The following HAO1 variants were observed in gnomAD, a reference collection of about 807,000 sequenced individuals.
HAO1 encodes hydroxyacid oxidase 1.
HAO1 carries 34 observed loss-of-function variants against 39.7 expected under a neutral mutation model. That is an observed-to-expected ratio of 0.86 (90% CI 0.65 to 1.14). HAO1 has a LOEUF of 1.14. Ranked by LOEUF, HAO1 falls within the 50% of genes most tolerant of loss-of-function variation. The pLI, the probability that HAO1 is intolerant of heterozygous loss-of-function variation, is 0.00. For missense variants in HAO1, 479 were observed against 464.5 expected, an observed-to-expected ratio of 1.03 and a Z score of -0.29; for synonymous variants, 172 against 173.2, an observed-to-expected ratio of 0.99 and a Z score of 0.05.
chr20:7,902,794 A>T (rs902447389), intron 4 of HAO1, among the ~76,000 whole-genome samples: 4 of 152,176 alleles, frequency 2.6e-5, no homozygotes, highest in Admixed American at 1.3e-4. Context: ...TCTGACAAAG[A>T]CCAAATTCTG....
chr20:7,891,925 G>A (rs1310512494), intron 5 of HAO1, among the ~76,000 whole-genome samples: 1 of 152,104 alleles, frequency 6.6e-6, no homozygotes, highest in Non-Finnish European at 1.5e-5. Context: ...GCTTTGTGCT[G>A]TGACCAACCT....
Position 7,940,327 on chromosome 20 carries a change from AT to A in HAO1, c.95del (p.Asn32MetfsTer36). The A allele has an allele frequency of 6.2e-7, 1 of 1,609,058 alleles. No homozygotes were observed. The highest frequency in any genetic ancestry group is 2.2e-5 in the East Asian group (1 of 44,798). The part of the protein sequence containing the change: ...SIYDYYRSGA[N>X]DEETLADNIA... ...TATTATCAGCCAAAGTTTCTTCATCATTTGCCCCAGACCTGTAATAGTCATA... is the reference window on the plus strand; with the variant it reads ...TATTATCAGCCAAAGTTTCTTCATCATTGCCCCAGACCTGTAATAGTCATA... On this transcript the variant is annotated frameshift_variant, in exon 1 of 8. Transcript: ENST00000378789. LOFTEE classifies it high-confidence loss of function.
chr20:7,931,177 G>A (rs1391645522), intron 2 of HAO1, among the ~76,000 whole-genome samples: 1 of 152,136 alleles, frequency 6.6e-6, no homozygotes, highest in African/African-American at 2.4e-5. Flanking sequence ...AGGGCAACAT[G>A]TGTACACTTC....
At chr20:7,887,787 A>C (rs2050157229) in intron 5 of HAO1, among the ~76,000 whole-genome samples, 1 of 152,154 alleles carries the variant, frequency 6.6e-6, no homozygotes, top group African/African-American at 2.4e-5. Flanking sequence ...AAACTAATAA[A>C]GGTACTTAAA....
chr20:7,917,000 T>A (rs756182311), intron 2 of HAO1, among the ~76,000 whole-genome samples: 35 of 152,178 alleles, frequency 2.3e-4, no homozygotes, highest in Non-Finnish European at 3.8e-4. Flanking sequence ...CCAAGGGACA[T>A]TGATTGCTTG....
intron 3 of HAO1, among the ~76,000 whole-genome samples, chr20:7,909,120 T>A (rs917084908): frequency 4.6e-5 from 7 of 151,718 alleles, no homozygotes; most frequent in African/African-American, 1.7e-4. Context: ...GAAACGTGGA[T>A]AAAATTATAT....
intron 1 of HAO1, 140 bp downstream of exon 1, chr20:7,940,146 G>T: frequency 1.7e-6 from 1 of 575,788 alleles, no homozygotes. Context: ...ATTTCTTACA[G>T]CCCCAAGAAC....
chr20:7,915,744 G>T (rs2050304002), intron 2 of HAO1, among the ~76,000 whole-genome samples: 1 of 152,022 alleles, frequency 6.6e-6, no homozygotes, highest in South Asian at 2.1e-4. Flanking sequence ...ATAGAAAAAT[G>T]TTTATGATAT....
At chr20:7,889,632 C>G (rs1018790967) in intron 5 of HAO1, among the ~76,000 whole-genome samples, 10 of 152,230 alleles carry the variant, frequency 6.6e-5, no homozygotes, top group Middle Eastern at 3.4e-3. Flanking sequence ...AATTATTGTT[C>G]TAGGACTCCT....
Position 7,895,348 on chromosome 20 carries a change from T to A in HAO1, c.722-124A>T, listed in dbSNP as rs549935422. Reference sequence around the variant, plus strand: ...ATCTGCATACCTGGGTCAATAATCTTAGCATAAAAGTATACCCTAGGGTTA... The same window carrying A: ...ATCTGCATACCTGGGTCAATAATCTAAGCATAAAAGTATACCCTAGGGTTA... On this transcript the variant is annotated intron_variant, in intron 4 of 7. Transcript: ENST00000378789. 9 of 658,398 alleles carry A rather than the reference T, an allele frequency of 1.4e-5. No homozygotes were observed. In the Admixed American group the frequency reaches 2.2e-4, roughly 16 times the overall value. The allele number at this position is 658,398 out of a possible 1,614,324, so 40.8% of individuals were successfully genotyped here.
In HAO1 at chr20:7,883,336, A is replaced by G; in HGVS notation, c.*257T>C. ...TGCCAGGGGATGACGTTGTCTAAACACATTTTCAATGTTTTCTTTTTAACA... is the reference window on the plus strand; with the variant it reads ...TGCCAGGGGATGACGTTGTCTAAACGCATTTTCAATGTTTTCTTTTTAACA... On this transcript the variant is annotated 3_prime_UTR_variant, in exon 8 of 8. Coordinates refer to ENST00000378789, the MANE Select transcript of HAO1 (RefSeq NM_017545.3). 2.0e-6 allele frequency: 1 copy of G among 503,528 alleles called. No individual in the cohort carries two copies. 31.2% of individuals were successfully genotyped at this position (503,528 alleles called of 1,614,324 possible).
chr20:7,913,285 G>T (rs2423327), intron 3 of HAO1, among the ~76,000 whole-genome samples: 33,961 of 151,390 alleles, frequency 0.22, 4,748 homozygotes, highest in East Asian at 0.51. Context: ...TCTGATGGAT[G>T]CTGTAGGAGT....
chr20:7,916,221 T>G (rs548410554), intron 2 of HAO1, among the ~76,000 whole-genome samples: 22 of 152,302 alleles, frequency 1.4e-4, no homozygotes, highest in African/African-American at 4.6e-4. Flanking sequence ...GAGGAGAAAC[T>G]GATATAATGT....
chr20:7,925,553 T>G (rs1219072535), intron 2 of HAO1, among the ~76,000 whole-genome samples: 1 of 152,200 alleles, frequency 6.6e-6, no homozygotes. Context: ...GTCATTTTAC[T>G]GAATTGTCAA....
intron 2 of HAO1, among the ~76,000 whole-genome samples, chr20:7,923,933 G>C (rs896501823): frequency 1.3e-5 from 2 of 152,104 alleles, no homozygotes; most frequent in African/African-American, 4.8e-5. Flanking sequence ...ATTGAAAACG[G>C]GAGGGAAATA....
intron 2 of HAO1, among the ~76,000 whole-genome samples, chr20:7,933,859 T>C (rs1185149071): frequency 6.6e-6 from 1 of 152,190 alleles, no homozygotes; most frequent in African/African-American, 2.4e-5. Context: ...TACATCATAT[T>C]TGATTTTCTC....
intron 5 of HAO1, among the ~76,000 whole-genome samples, chr20:7,888,333 G>A (rs1201931640): frequency 6.6e-6 from 1 of 152,038 alleles, no homozygotes; most frequent in Admixed American, 6.6e-5. Flanking sequence ...AATGCTCCCT[G>A]CACAACTTGC....
rs993512019 is a variant in HAO1, at chr20:7,900,861, G to A, written c.721+5293C>T. ...ACAGGACAAAAGCTAGGCTCCTTGT[G>A]CCAAACAGCTAAGTTGTGAATGCAA... On this transcript the variant is annotated intron_variant, in intron 4 of 7. Coordinates refer to ENST00000378789, the MANE Select transcript of HAO1 (RefSeq NM_017545.3). Among the ~76,000 whole-genome samples the A allele has an allele frequency of 1.3e-5, 2 of 152,162 alleles. 1 individual carries two copies. The highest frequency in any genetic ancestry group is 4.1e-4 in the South Asian group (2 of 4,834).
chr20:7,890,163 T>TCC (rs918317586), intron 5 of HAO1, among the ~76,000 whole-genome samples: 3 of 152,130 alleles, frequency 2.0e-5, no homozygotes, highest in Admixed American at 6.6e-5. Context: ...AGCAAGTATC[T>TCC]CCCCTCATGT....
Sources: gnomAD v4.1 joint callset for allele counts (sites outside exome capture counted in the v4.1 genomes callset) on GRCh38, gnomAD v4.1.1 for gene constraint, MANE v1.5 for transcripts, NCBI Gene and HGNC (gene_info 2026-07-23, HGNC 2026-07-21) for gene names.